The following COL14A1 variants were observed in gnomAD, a reference collection of about 807,000 sequenced individuals.
The protein encoded by COL14A1 is collagen type XIV alpha 1 chain, also known as collagen alpha-1(XIV) chain.
Under a neutral mutation model 230.3 loss-of-function variants are expected in COL14A1, and 136 were observed. The observed-to-expected ratio is 0.59, with a 90% CI of 0.51 to 0.68. The LOEUF is 0.68. COL14A1 is among the 30% of genes least tolerant of loss of function. The pLI is 0.00. For synonymous variants in COL14A1, 792 were observed against 784.1 expected (o/e 1.01, Z -0.17); for missense variants, 1,976 against 2,215.8 (o/e 0.89, Z 2.17).
chr8:120,262,718 G>A, intron 23 of COL14A1, 150 bp from the exon 24 acceptor site: 1 of 672,024 alleles, frequency 1.5e-6, no homozygotes, highest in Non-Finnish European at 2.3e-6. Context: ...TTTGGAAGAA[G>A]ATACAATACT....
intron 35 of COL14A1, among the ~76,000 whole-genome samples, chr8:120,300,477 TTG>T (rs1347520104): frequency 6.6e-6 from 1 of 152,032 alleles, no homozygotes; most frequent in Admixed American, 6.6e-5. Context: ...TCACTTCTGA[TTG>T]TCTTTCCTCA....
chr8:120,351,678 A>T (rs1822787560), intron 45 of COL14A1, among the ~76,000 whole-genome samples: 1 of 125,240 alleles, frequency 8.0e-6, no homozygotes, highest in African/African-American at 3.2e-5. Flanking sequence ...CTCTCCCAAG[A>T]CTAAACCAGG....
chr8:120,306,664 A>G (rs1429856033), intron 36 of COL14A1, among the ~76,000 whole-genome samples: 2 of 152,186 alleles, frequency 1.3e-5, no homozygotes, highest in Non-Finnish European at 2.9e-5. Context: ...TTTCGTCAAC[A>G]AGTATTTGCT....
At chr8:120,361,135 C>T (rs1445299570) in intron 45 of COL14A1, among the ~76,000 whole-genome samples, 1 of 152,088 alleles carries the variant, frequency 6.6e-6, no homozygotes, top group Non-Finnish European at 1.5e-5. Context: ...TTGTAAGTTA[C>T]ATCTTTGCTT....
chr8:120,256,827 C>A (rs1227388163), intron 23 of COL14A1, among the ~76,000 whole-genome samples: 1 of 152,136 alleles, frequency 6.6e-6, no homozygotes, highest in Non-Finnish European at 1.5e-5. Context: ...TAATCACCCT[C>A]CCAAACTATC....
chr8:120,330,326 A>G (rs1235409805), intron 40 of COL14A1, among the ~76,000 whole-genome samples: 1 of 152,150 alleles, frequency 6.6e-6, no homozygotes, highest in Non-Finnish European at 1.5e-5. Context: ...ACCCCTGTGT[A>G]TTATTATTCT....
chr8:120,209,046 C>T (rs929343767), intron 11 of COL14A1, among the ~76,000 whole-genome samples: 2 of 152,164 alleles, frequency 1.3e-5, no homozygotes, highest in Admixed American at 1.3e-4. Context: ...ATGCGCCAGG[C>T]ACTGTGATCA....
Position 120,212,512 on chromosome 8 carries a change from C to G in COL14A1, c.1532C>G (p.Thr511Arg). The G allele has an allele frequency of 1.2e-6, 2 of 1,613,626 alleles. No individual in the cohort carries two copies. The highest frequency in any genetic ancestry group is 1.7e-6 in the Non-Finnish European group (2 of 1,179,676). ...GGGTTGTTGCCCAATACAGAATACA[C>G]AGTCACAGTTTATGCCATGTTTGGA... ...LSGLLPNTEY[T>R]VTVYAMFGEE... is the part of the protein sequence containing the mutation. The change falls in exon 13 of 48, where the codon ACA (threonine) becomes AGA (arginine). Residue 511 changes from threonine (T) to arginine (R), a missense_variant. Transcript: ENST00000297848.
At chr8:120,171,670 G>A (rs1022696784) in intron 5 of COL14A1, among the ~76,000 whole-genome samples, 4 of 152,210 alleles carry the variant, frequency 2.6e-5, no homozygotes, top group Admixed American at 2.6e-4. Flanking sequence ...TTGGGGTTCT[G>A]CTGCTTCACT....
rs188788027 is a variant in COL14A1 at position 120,331,212 on chromosome 8, T to C, written c.4660-929T>C. 1.3e-3 allele frequency among the ~76,000 whole-genome samples: 201 copies of C among 150,156 alleles called. 2 individuals carry two copies. Among genetic ancestry groups the C allele is most frequent in the Non-Finnish European group, 2.5e-4 (17 of 67,720 alleles). On this transcript the variant is annotated intron_variant, in intron 40 of 47. Coordinates refer to ENST00000297848, the MANE Select transcript of COL14A1 (RefSeq NM_021110.4). ...AATGTCAGAAAGGGAATTGGGAGAGTCTGCAAAGATGCCAGGAGAAGTTTG... is the reference window on the plus strand; with the variant it reads ...AATGTCAGAAAGGGAATTGGGAGAGCCTGCAAAGATGCCAGGAGAAGTTTG...
chr8:120,339,786 C>T (rs1250548935), intron 42 of COL14A1, among the ~76,000 whole-genome samples: 1 of 151,946 alleles, frequency 6.6e-6, no homozygotes, highest in South Asian at 2.1e-4. Flanking sequence ...CCTGTAATCC[C>T]AGCACTTTGG....
chr8:120,149,014 A>G (rs985673012), intron 2 of COL14A1, among the ~76,000 whole-genome samples: 2 of 152,260 alleles, frequency 1.3e-5, no homozygotes, highest in African/African-American at 4.8e-5. Context: ...CAGTCATGAC[A>G]GAAACTATGT....
chr8:120,200,875 G>A (rs1199095380), intron 8 of COL14A1, among the ~76,000 whole-genome samples: 1 of 150,788 alleles, frequency 6.6e-6, no homozygotes, highest in Admixed American at 6.6e-5. Context: ...AAACTATGAT[G>A]TTCCCTCCTG....
chr8:120,258,933 CA>C (rs1819244902), intron 23 of COL14A1, among the ~76,000 whole-genome samples: 1 of 152,118 alleles, frequency 6.6e-6, no homozygotes, highest in African/African-American at 2.4e-5. Flanking sequence ...CACATAGGCC[CA>C]AACACTTTAT....
At chr8:120,285,636 A>G (rs911406252) in intron 32 of COL14A1, among the ~76,000 whole-genome samples, 1 of 152,136 alleles carries the variant, frequency 6.6e-6, no homozygotes, top group African/African-American at 2.4e-5. Context: ...GAGTATGTGT[A>G]GGAGTCTTTG....
At position 120,255,228 on chromosome 8, in the gene COL14A1, A is replaced by G. The variant is rs112553764; in HGVS notation, c.2753-12A>G. 6.9e-6 allele frequency: 11 copies of G among 1,599,156 alleles called. No individual in the cohort carries two copies. Among genetic ancestry groups the G allele is most frequent in the African/African-American group, 6.7e-5 (5 of 74,770 alleles). ...TGCGGTGTGATACAGTTATGTTTCT[A>G]TTTCATTCCAGTGTTCTTGGGTGTT... On this transcript the variant is annotated splice_polypyrimidine_tract_variant and intron_variant, in intron 22 of 47. Transcript: ENST00000297848.
At chr8:120,266,372 A>G (rs901596428) in intron 24 of COL14A1, among the ~76,000 whole-genome samples, 1 of 152,130 alleles carries the variant, frequency 6.6e-6, no homozygotes, top group African/African-American at 2.4e-5. Context: ...AGCAGAATGA[A>G]TCAGAGTCCA....
At chr8:120,157,369 C>T (rs192166734) in intron 2 of COL14A1, among the ~76,000 whole-genome samples, 1 of 152,102 alleles carries the variant, frequency 6.6e-6, no homozygotes, top group Non-Finnish European at 1.5e-5. Context: ...TAATAGCCCT[C>T]TCAAATTATC....
intron 21 of COL14A1, among the ~76,000 whole-genome samples, chr8:120,250,040 A>G (rs1406688770): frequency 6.6e-6 from 1 of 152,212 alleles, no homozygotes; most frequent in African/African-American, 2.4e-5. Context: ...AGACCCCACT[A>G]GATTGAAGAA....
Sources: gnomAD v4.1 joint callset for allele counts (sites outside exome capture counted in the v4.1 genomes callset) on GRCh38, gnomAD v4.1.1 for gene constraint, MANE v1.5 for transcripts, NCBI Gene and HGNC (gene_info 2026-07-23, HGNC 2026-07-21) for gene names.